Variants in OSBPL9 observed in about 807,000 individuals in gnomAD.
OSBPL9 encodes oxysterol-binding protein-related protein 9.
In OSBPL9, 40 loss-of-function variants were observed where a neutral mutation model predicts 106.6. The ratio of observed to expected loss-of-function variants is 0.38; its 90% CI spans 0.29 to 0.49. OSBPL9 has a LOEUF of 0.49. Ranked by LOEUF, OSBPL9 falls within the 20% of genes least tolerant of loss-of-function variation. The pLI is 0.97. For synonymous variants in OSBPL9, 269 were observed against 295.4 expected, an observed-to-expected ratio of 0.91 and a Z score of 0.92; for missense variants, 609 against 887.2, an observed-to-expected ratio of 0.69 and a Z score of 3.98.
intron 3 of OSBPL9, among the ~76,000 whole-genome samples, chr1:51,685,944 A>G (rs1653699121): frequency 6.6e-6 from 1 of 152,198 alleles, no homozygotes. Flanking sequence ...GAAAGTCTCT[A>G]TCTTTGCCAG....
intron 3 of OSBPL9, among the ~76,000 whole-genome samples, chr1:51,698,378 T>C (rs1363968683): frequency 6.6e-6 from 1 of 152,114 alleles, no homozygotes; most frequent in Non-Finnish European, 1.5e-5. Context: ...AAAAAATGAA[T>C]TACAACAGAC....
At chr1:51,575,490 C>G (rs766221362), upstream of OSBPL9, among the ~76,000 whole-genome samples, 7 of 151,868 alleles carry the variant, frequency 4.6e-5, no homozygotes, top group Admixed American at 6.6e-5. Flanking sequence ...GGATTACAGG[C>G]GTGAGCCACC....
rs977569981 is a variant in OSBPL9, at chr1:51,605,033, G to C, written c.-353+6840G>C. ...TATGCTTTTGCCCTACTACATGGCA[G>C]AGTTGGGTGTTTCTGATAAAGAACA... On this transcript the variant is annotated intron_variant, in intron 2 of 25. Transcript: ENST00000371714. Among the ~76,000 whole-genome samples the C allele has an allele frequency of 9.8e-5, 15 of 152,332 alleles. No homozygotes were observed. The East Asian group carries it at 1.3e-3, about 14-fold the overall frequency.
At chr1:51,764,384 G>T (rs190509247) in intron 11 of OSBPL9, among the ~76,000 whole-genome samples, 73 of 152,140 alleles carry the variant, frequency 4.8e-4, no homozygotes, top group Non-Finnish European at 9.9e-4. Flanking sequence ...AGAATATGAA[G>T]TTATTTACTA....
At chr1:51,756,198 G>A (rs957738285) in intron 8 of OSBPL9, 122 bp from the exon 9 acceptor site, 10 of 758,514 alleles carry the variant, frequency 1.3e-5, no homozygotes, top group South Asian at 1.0e-4. Context: ...CTTAGTGGAG[G>A]CAGATAAATC....
At chr1:51,657,521 CA>C (rs1346940581) in intron 2 of OSBPL9, among the ~76,000 whole-genome samples, 1 of 152,172 alleles carries the variant, frequency 6.6e-6, no homozygotes, top group African/African-American at 2.4e-5. Flanking sequence ...AAGCCCTGTT[CA>C]ATTCTTAATG....
intron 21 of OSBPL9, 119 bp from the exon 22 acceptor site, chr1:51,786,407 G>A: frequency 3.1e-6 from 2 of 638,818 alleles, no homozygotes; most frequent in East Asian, 2.8e-5. Context: ...TTAACAGGAG[G>A]AGCCAGTTAA....
chr1:51,683,441 A>G (rs1212515305), intron 3 of OSBPL9, among the ~76,000 whole-genome samples: 1 of 151,468 alleles, frequency 6.6e-6, no homozygotes, highest in Non-Finnish European at 1.5e-5. Context: ...CAGCCTCCCA[A>G]AGTGCTGGCA....
intron 1 of OSBPL9, among the ~76,000 whole-genome samples, chr1:51,621,149 C>T: frequency 6.6e-6 from 1 of 152,206 alleles, no homozygotes; most frequent in East Asian, 1.9e-4. Context: ...CCCATTAACT[C>T]CTTCCTCCTC....
chr1:51,523,662 A>G, the OSBPL9 span, among the ~76,000 whole-genome samples: 3 of 152,160 alleles, frequency 2.0e-5, no homozygotes, highest in African/African-American at 7.2e-5. Flanking sequence ...TGGGAAGCTG[A>G]AGATGAGGCT....
chr1:51,766,079 C>A (rs896446425), intron 12 of OSBPL9, 98 bp downstream of exon 12: 5 of 1,209,074 alleles, frequency 4.1e-6, no homozygotes, highest in Non-Finnish European at 5.5e-6. Flanking sequence ...CTTGCCTCAT[C>A]AGTTATTATT....
At chr1:51,544,967 C>T in the OSBPL9 span, among the ~76,000 whole-genome samples, 2 of 151,450 alleles carry the variant, frequency 1.3e-5, no homozygotes, top group Admixed American at 6.6e-5. Flanking sequence ...CCTCAGCCTC[C>T]CAAGTAGCTG....
intron 8 of OSBPL9, 53 bp from the exon 9 acceptor site, chr1:51,756,267 G>A (rs543285865): frequency 1.4e-4 from 208 of 1,445,146 alleles, no homozygotes; most frequent in Non-Finnish European, 1.9e-4. Context: ...AAATACACAA[G>A]GAGTTACTTA....
At chr1:51,563,405 G>A in the OSBPL9 span, among the ~76,000 whole-genome samples, 1 of 152,136 alleles carries the variant, frequency 6.6e-6, no homozygotes, top group Non-Finnish European at 1.5e-5. Context: ...GCCCAGGGCT[G>A]CCTGGCCCTA....
At chr1:51,562,757 T>A in the OSBPL9 span, among the ~76,000 whole-genome samples, 1 of 152,230 alleles carries the variant, frequency 6.6e-6, no homozygotes, top group Admixed American at 6.5e-5. Flanking sequence ...CTGAGTATCC[T>A]GGCAGTTGAG....
intron 2 of OSBPL9, among the ~76,000 whole-genome samples, chr1:51,662,387 A>C (rs532067731): frequency 7.9e-5 from 12 of 152,214 alleles, no homozygotes; most frequent in Non-Finnish European, 1.3e-4. Flanking sequence ...ATGGAGCATG[A>C]GTGTGGAAGG....
Position 51,690,660 on chromosome 1 carries a change from T to C in OSBPL9, c.241+21148T>C, listed in dbSNP as rs1282011589. 2.0e-5 allele frequency among the ~76,000 whole-genome samples: 3 copies of C among 152,208 alleles called. No individual in the cohort carries two copies. The South Asian group carries it at 6.2e-4, about 32-fold the overall frequency. The stretch of plus-strand genomic sequence containing the variant: ...ATTCAGCAAATATTTATTGAGCACC[T>C]ATATGGGTGGCATTATTCTAGGGGC... On this transcript the variant is annotated intron_variant, in intron 3 of 23. Transcript: ENST00000428468.
At chr1:51,741,908 T>C (rs532457511) in intron 4 of OSBPL9, among the ~76,000 whole-genome samples, 1 of 152,280 alleles carries the variant, frequency 6.6e-6, no homozygotes, top group African/African-American at 2.4e-5. Flanking sequence ...TCTTTGGTCC[T>C]GAGTGCCAAT....
At chr1:51,521,632 G>A in the OSBPL9 span, among the ~76,000 whole-genome samples, 4 of 152,168 alleles carry the variant, frequency 2.6e-5, no homozygotes, top group African/African-American at 9.7e-5. Flanking sequence ...CAGCTACACA[G>A]GAGACTGAGG....
Sources: gnomAD v4.1 joint callset for allele counts (sites outside exome capture counted in the v4.1 genomes callset) on GRCh38, gnomAD v4.1.1 for gene constraint, MANE v1.5 for transcripts, NCBI Gene and HGNC (gene_info 2026-07-23, HGNC 2026-07-21) for gene names.